The following EIF2AK4 variants were observed in gnomAD, a reference collection of about 807,000 sequenced individuals.
EIF2AK4 encodes the protein eIF-2-alpha kinase GCN2.
EIF2AK4 carries 139 observed loss-of-function variants against 211.1 expected under a neutral mutation model. That is an observed-to-expected ratio of 0.66 (90% CI 0.57 to 0.76). The LOEUF (loss-of-function observed/expected upper bound fraction) is 0.76, where lower values mean the gene tolerates loss of function less well. Ranked by LOEUF, EIF2AK4 falls within the 30% of genes least tolerant of loss-of-function variation. EIF2AK4 has a pLI of 0.00. For synonymous variants in EIF2AK4, 710 were observed against 751.3 expected, an observed-to-expected ratio of 0.94 and a Z score of 0.90; for missense variants, 1,664 against 2,043.8, an observed-to-expected ratio of 0.81 and a Z score of 3.58.
At chr15:40,029,243 A>T in intron 33 of EIF2AK4, 163 bp from the exon 34 acceptor site, 1 of 939,960 alleles carries the variant, frequency 1.1e-6, no homozygotes, top group South Asian at 4.9e-5. Flanking sequence ...ACCAAAGCAT[A>T]ACTAAATGCA....
chr15:39,945,255 C>T (rs921966378), intron 3 of EIF2AK4, among the ~76,000 whole-genome samples: 1 of 151,990 alleles, frequency 6.6e-6, no homozygotes, highest in Non-Finnish European at 1.5e-5. Context: ...GCTAGGATTA[C>T]AGGCCCGAGC....
intron 6 of EIF2AK4, among the ~76,000 whole-genome samples, chr15:39,957,134 T>A (rs921177086): frequency 1.3e-5 from 2 of 152,246 alleles, no homozygotes; most frequent in Non-Finnish European, 2.9e-5. Context: ...AACAAATTTT[T>A]GTTGTATTAG....
rs768307466 is a variant in EIF2AK4 at position 39,985,867 on chromosome 15, T to C, written c.2382T>C (p.Ala794=). ...HESEPSVTTE[A]VHYLYIQMEY... ...GTGAGCCATCAGTGACGACTGAGGC[T>C]GTGCACTACCTATACATCCAGGTGA... The change falls in exon 14 of 39, where the codon GCT becomes GCC. Residue 794 remains alanine (A), a synonymous_variant. Transcript: ENST00000263791. The C allele has an allele frequency of 6.2e-7, 1 of 1,614,156 alleles. No individual in the cohort carries two copies. The highest frequency in any genetic ancestry group is 8.5e-7 in the Non-Finnish European group (1 of 1,180,002).
intron 33 of EIF2AK4, 89 bp downstream of exon 33, chr15:40,026,178 G>C (rs2035463500): frequency 8.3e-7 from 1 of 1,209,452 alleles, no homozygotes; most frequent in African/African-American, 1.5e-5. Context: ...ATTTGAGCCA[G>C]GTGCTGTGGC....
At chr15:39,981,694 AC>A (rs2034790225) in intron 13 of EIF2AK4, among the ~76,000 whole-genome samples, 1 of 152,158 alleles carries the variant, frequency 6.6e-6, no homozygotes, top group African/African-American at 2.4e-5. Flanking sequence ...TCAAATACTA[AC>A]TAATACTTTT....
Position 40,035,232 on chromosome 15 carries a change from A to C in EIF2AK4, c.*148A>C, listed in dbSNP as rs1469960042. 3.9e-6 allele frequency: 2 copies of C among 516,054 alleles called. No homozygotes were observed. Among genetic ancestry groups the C allele is most frequent in the East Asian group, 6.9e-5 (2 of 28,954 alleles). 32.0% of individuals were successfully genotyped at this position (516,054 alleles called of 1,614,324 possible). On this transcript the variant is annotated 3_prime_UTR_variant, in exon 39 of 39. Transcript: ENST00000263791. The stretch of plus-strand genomic sequence containing the variant: ...CACCTTTAATCCCAGCACTTTGGGA[A>C]GCCAAGGCAGGAAGACTGCTTGAAA...
At chr15:39,945,874 A>G (rs1432309118) in intron 3 of EIF2AK4, among the ~76,000 whole-genome samples, 1 of 152,226 alleles carries the variant, frequency 6.6e-6, no homozygotes, top group Non-Finnish European at 1.5e-5. Context: ...ATAAATGGAA[A>G]GGCAAATCCT....
intron 3 of EIF2AK4, among the ~76,000 whole-genome samples, chr15:39,944,032 T>C (rs1048209744): frequency 4.6e-5 from 7 of 152,202 alleles, no homozygotes; most frequent in Admixed American, 3.9e-4. Flanking sequence ...TTGTATACTT[T>C]GGATCTTGCA....
intron 32 of EIF2AK4, among the ~76,000 whole-genome samples, chr15:40,023,218 C>T (rs2035418252): frequency 6.6e-6 from 1 of 152,212 alleles, no homozygotes; most frequent in East Asian, 1.9e-4. Flanking sequence ...CATATCCTCT[C>T]ATTGCTTTGT....
In EIF2AK4 at chr15:39,938,120, C is replaced by T. The variant is rs1196646280; in HGVS notation, c.145-1385C>T. ...TTCAACGGCACTCTCTAAGCTTGTA[C>T]TTATGTGTTTATTATGTTTGTTTTC... On this transcript the variant is annotated intron_variant, in intron 1 of 38. Coordinates refer to ENST00000263791, the MANE Select transcript of EIF2AK4 (RefSeq NM_001013703.4). Among the ~76,000 whole-genome samples, 3 of 152,252 alleles carry T rather than the reference C, an allele frequency of 2.0e-5. No homozygotes were observed. The East Asian group carries it at 5.8e-4, about 29-fold the overall frequency.
At chr15:40,007,999 C>G in intron 24 of EIF2AK4, 28 bp from the exon 25 acceptor site, 8 of 1,479,804 alleles carry the variant, frequency 5.4e-6, no homozygotes, top group Non-Finnish European at 6.3e-6. Flanking sequence ...TAAGCAATGA[C>G]CTTAGAAATC....
intron 24 of EIF2AK4, among the ~76,000 whole-genome samples, chr15:40,007,515 G>A (rs1243214773): frequency 6.6e-6 from 1 of 152,160 alleles, no homozygotes; most frequent in Non-Finnish European, 1.5e-5. Flanking sequence ...CAGGAACGCT[G>A]AGCGCTGAGG....
chr15:39,934,493 C>T (rs750226499), intron 1 of EIF2AK4, among the ~76,000 whole-genome samples, 154 bp downstream of exon 1: 24 of 152,204 alleles, frequency 1.6e-4, no homozygotes, highest in Non-Finnish European at 3.2e-4. Context: ...AGTCCTTGCA[C>T]CTGCAGCTGG....
intron 15 of EIF2AK4, among the ~76,000 whole-genome samples, chr15:39,989,716 T>C (rs1313349704): frequency 3.3e-5 from 5 of 152,200 alleles, no homozygotes; most frequent in African/African-American, 1.2e-4. Context: ...CATGAAACAA[T>C]ACAGATTATG....
chr15:39,993,090 A>G (rs1485101751), intron 18 of EIF2AK4, among the ~76,000 whole-genome samples: 120 of 150,816 alleles, frequency 8.0e-4, no homozygotes, highest in African/African-American at 2.8e-3. Context: ...CCATCCATCC[A>G]TCCATCCATC....
rs933041056 is a variant in EIF2AK4, at chr15:40,016,486, C to T, written c.3760-16C>T. 3 of 1,613,684 alleles carry T rather than the reference C, an allele frequency of 1.9e-6. No homozygotes were observed. The highest frequency in any genetic ancestry group is 2.5e-6 in the Non-Finnish European group (3 of 1,179,910). On this transcript the variant is annotated splice_polypyrimidine_tract_variant and intron_variant, in intron 27 of 38. Transcript: ENST00000263791. Reference sequence around the variant, plus strand: ...TGCTGTGGATGGGCAGCTGACTGTGCCCCTTTGCTTTCCAGCTGTGTCGAC... The same window carrying T: ...TGCTGTGGATGGGCAGCTGACTGTGTCCCTTTGCTTTCCAGCTGTGTCGAC...
intron 9 of EIF2AK4, among the ~76,000 whole-genome samples, chr15:39,968,745 A>G (rs17665033): frequency 0.11 from 16,351 of 151,872 alleles, 959 homozygotes; most frequent in Middle Eastern, 0.24. Flanking sequence ...TTCTTTCCCT[A>G]TTCCACCTAT....
In EIF2AK4 at chr15:40,025,845, G is replaced by A. The variant is rs531763977; in HGVS notation, c.4390-132G>A. The stretch of plus-strand genomic sequence containing the variant: ...CACCAGACATTGCTAAATGTCCCCT[G>A]GGGAGCAAAATTGACCCTGGTTAAG... On this transcript the variant is annotated intron_variant, in intron 32 of 38. Coordinates refer to ENST00000263791, the MANE Select transcript of EIF2AK4 (RefSeq NM_001013703.4). 2.6e-5 allele frequency: 20 copies of A among 783,376 alleles called. No individual in the cohort carries two copies. The East Asian group carries it at 5.5e-4, about 21-fold the overall frequency. The allele number at this position is 783,376 out of a possible 1,614,324, so 48.5% of individuals were successfully genotyped here.
chr15:39,956,724 G>A (rs2034397768), intron 6 of EIF2AK4, among the ~76,000 whole-genome samples: 1 of 152,178 alleles, frequency 6.6e-6, no homozygotes, highest in South Asian at 2.1e-4. Flanking sequence ...AGTGGGGTGG[G>A]TTATTAAATA....
Sources: gnomAD v4.1 joint callset for allele counts (sites outside exome capture counted in the v4.1 genomes callset) on GRCh38, gnomAD v4.1.1 for gene constraint, MANE v1.5 for transcripts, NCBI Gene and HGNC (gene_info 2026-07-23, HGNC 2026-07-21) for gene names.